The following CGNL1 variants were observed in gnomAD, a reference collection of about 807,000 sequenced individuals.
CGNL1 encodes the protein cingulin like 1.
CGNL1 carries 132 observed loss-of-function variants against 141.2 expected under a neutral mutation model. The observed-to-expected ratio is 0.93, with a 90% CI of 0.81 to 1.08. CGNL1 has a LOEUF of 1.08. Among genes scored for constraint, CGNL1 ranks in the 50% least tolerant of loss-of-function variants. The probability of loss-of-function intolerance (pLI) is 0.00; values close to 1 mark genes in which losing one functional copy is unlikely to be tolerated. For synonymous variants in CGNL1, 690 were observed against 622.1 expected, an observed-to-expected ratio of 1.11 and a Z score of -1.63; for missense variants, 1,870 against 1,588.6, an observed-to-expected ratio of 1.18 and a Z score of -3.01.
At chr15:57,419,070 T>C (rs1238921178) in intron 1 of CGNL1, among the ~76,000 whole-genome samples, 3 of 152,152 alleles carry the variant, frequency 2.0e-5, no homozygotes, top group Non-Finnish European at 4.4e-5. Context: ...TAACTGGGAT[T>C]ACAGGCATGC....
chr15:57,455,626 A>G (rs1330980578), intron 7 of CGNL1, among the ~76,000 whole-genome samples: 1 of 152,218 alleles, frequency 6.6e-6, no homozygotes, highest in Non-Finnish European at 1.5e-5. Flanking sequence ...AGTGCCAAGC[A>G]ACAGAGCAAA....
chr15:57,543,761 G>T lies in CGNL1; in HGVS notation c.3357G>T (p.Lys1119Asn), dbSNP rs2032696229. Residue 1119 changes from lysine (K) to asparagine (N), a missense_variant, in exon 15 of 19, where the codon AAG (lysine) becomes AAT (asparagine). Lys to Asn is a moderately conservative substitution (Grantham distance 94). Coordinates refer to ENST00000281282, the MANE Select transcript of CGNL1 (RefSeq NM_032866.5). ...RAARQDLECD[K>N]ISLERQNKDL... ...CGAGACAAGACTTGGAGTGCGACAA[G>T]ATTTCCCTGGAGAGGCAGGTGAGGG... 1 of 1,613,940 alleles carries T rather than the reference G, an allele frequency of 6.2e-7. No homozygotes were observed. Among genetic ancestry groups the T allele is most frequent in the African/African-American group, 1.3e-5 (1 of 74,898 alleles).
In CGNL1 at chr15:57,544,574, G is replaced by C. The variant is rs778346512; in HGVS notation, c.3477G>C (p.Glu1159Asp). ...TGGAGGCCAGGATCGCGGAGCTGGA[G>C]GACCGCCTGGAGAGTGAGGAGAGGT... ...VQMEARIAEL[E>D]DRLESEERDR... is the part of the protein sequence containing the mutation. The change falls in exon 16 of 19, where the codon GAG becomes GAC. Residue 1159 changes from glutamate to aspartate, a missense_variant. Glu to Asp is a conservative substitution (Grantham distance 45, BLOSUM62 2). Coordinates refer to ENST00000281282, the MANE Select transcript of CGNL1 (RefSeq NM_032866.5). 6 of 1,590,694 alleles carry C rather than the reference G, an allele frequency of 3.8e-6. No homozygotes were observed. Among genetic ancestry groups the C allele is most frequent in the Middle Eastern group, 1.7e-4 (1 of 6,032 alleles).
intron 1 of CGNL1, among the ~76,000 whole-genome samples, chr15:57,396,461 C>T (rs550361698): frequency 2.0e-5 from 3 of 151,524 alleles, no homozygotes; most frequent in Admixed American, 6.6e-5. Flanking sequence ...TTAAAAGAGA[C>T]AGGGTTTCGC....
intron 8 of CGNL1, among the ~76,000 whole-genome samples, chr15:57,500,591 A>G (rs1198264076): frequency 6.6e-6 from 1 of 152,192 alleles, no homozygotes; most frequent in African/African-American, 2.4e-5. Flanking sequence ...AGGGTCAGCA[A>G]GAGCCTGTGC....
Position 57,547,427 on chromosome 15 carries a change from C to T in CGNL1, c.3846C>T (p.Ser1282=). The change falls in exon 19 of 19, where the codon AGC becomes AGT. Residue 1282 remains serine (S), a synonymous_variant. Coordinates refer to ENST00000281282, the MANE Select transcript of CGNL1 (RefSeq NM_032866.5). ...ATGACCTCAGCACGGATGGGGGAAG[C>T]CTCTATGAGGCGCCTGTGAGCTACA... ...DDDDLSTDGG[S]LYEAPVSYTF... is the part of the protein sequence containing the mutation. 6.2e-7 allele frequency: 1 copy of T among 1,614,182 alleles called. No individual in the cohort carries two copies. The highest frequency in any genetic ancestry group is 8.5e-7 in the Non-Finnish European group (1 of 1,180,006).
intron 8 of CGNL1, among the ~76,000 whole-genome samples, chr15:57,516,460 G>T (rs540573656): frequency 6.6e-6 from 1 of 152,176 alleles, no homozygotes; most frequent in African/African-American, 2.4e-5. Flanking sequence ...AAGAGCCAGA[G>T]AGTCAACATT....
At chr15:57,378,373 T>G (rs1217178214) in intron 1 of CGNL1, among the ~76,000 whole-genome samples, 3 of 105,078 alleles carry the variant, frequency 2.9e-5, no homozygotes, top group African/African-American at 1.1e-4. Context: ...GTTTTTTTTT[T>G]TTTTTTTTTT....
intron 1 of CGNL1, among the ~76,000 whole-genome samples, chr15:57,403,319 TAAGA>T (rs1378098232): frequency 5.3e-5 from 8 of 152,148 alleles, no homozygotes; most frequent in African/African-American, 1.9e-4. Flanking sequence ...ACTCTGCTGC[TAAGA>T]AAATGATATT....
At chr15:57,540,222 C>G (rs1173591622) in intron 14 of CGNL1, among the ~76,000 whole-genome samples, 1 of 152,180 alleles carries the variant, frequency 6.6e-6, no homozygotes, top group Non-Finnish European at 1.5e-5. Context: ...TTGTATTAGC[C>G]TGTTCTCATG....
At chr15:57,388,472 A>C (rs749927959) in intron 1 of CGNL1, among the ~76,000 whole-genome samples, 28 of 152,170 alleles carry the variant, frequency 1.8e-4, no homozygotes, top group Admixed American at 9.2e-4. Context: ...CCCGGATCTG[A>C]ATCCTCCCTC....
chr15:57,396,773 T>A (rs1183436943), intron 1 of CGNL1, among the ~76,000 whole-genome samples: 1 of 152,210 alleles, frequency 6.6e-6, no homozygotes, highest in Admixed American at 6.5e-5. Flanking sequence ...GGGTGTGTAG[T>A]AGAATCCATA....
chr15:57,525,637 A>G (rs1263278455), intron 12 of CGNL1, among the ~76,000 whole-genome samples: 2 of 152,200 alleles, frequency 1.3e-5, no homozygotes, highest in Admixed American at 1.3e-4. Flanking sequence ...CAGTGCCGAG[A>G]GCACCAAGAT....
intron 14 of CGNL1, among the ~76,000 whole-genome samples, chr15:57,535,334 A>T (rs2032202729): frequency 6.6e-6 from 1 of 152,236 alleles, no homozygotes; most frequent in South Asian, 2.1e-4. Context: ...GTCAGACCTA[A>T]AAAATTGATA....
intron 8 of CGNL1, among the ~76,000 whole-genome samples, chr15:57,490,628 C>T (rs1048549379): frequency 7.2e-5 from 11 of 152,062 alleles, no homozygotes; most frequent in Non-Finnish European, 2.9e-5. Flanking sequence ...GGAAGAGTTC[C>T]AAATAATTTA....
intron 8 of CGNL1, among the ~76,000 whole-genome samples, chr15:57,489,108 C>T (rs192408641): frequency 6.6e-6 from 1 of 152,144 alleles, no homozygotes; most frequent in East Asian, 1.9e-4. Flanking sequence ...CTAAAGTATC[C>T]AAAGTTATGG....
chr15:57,453,514 C>T (rs2063344293), intron 6 of CGNL1, among the ~76,000 whole-genome samples, 169 bp from the exon 7 acceptor site: 1 of 152,226 alleles, frequency 6.6e-6, no homozygotes, highest in Non-Finnish European at 1.5e-5. Flanking sequence ...CTAAGTTCTT[C>T]TCAGCCACCT....
intron 1 of CGNL1, among the ~76,000 whole-genome samples, chr15:57,388,149 G>T (rs537629468): frequency 6.6e-6 from 1 of 152,234 alleles, no homozygotes; most frequent in African/African-American, 2.4e-5. Flanking sequence ...TAGGAGAGCA[G>T]TGCCAGGCTC....
In CGNL1 at chr15:57,491,440, C is replaced by T. The variant is rs537002634; in HGVS notation, c.2404-25340C>T. 7.2e-5 allele frequency among the ~76,000 whole-genome samples: 11 copies of T among 152,336 alleles called. No homozygotes were observed. In the East Asian group the frequency reaches 2.1e-3, roughly 29 times the overall value. ...GTTCTGCCACTGGCACTGCAGTTAA[C>T]TTCCTCTCTTGTCTGCCCTGCAAGG... On this transcript the variant is annotated intron_variant, in intron 8 of 18. Transcript: ENST00000281282.
Sources: gnomAD v4.1 joint callset for allele counts (sites outside exome capture counted in the v4.1 genomes callset) on GRCh38, gnomAD v4.1.1 for gene constraint, MANE v1.5 for transcripts, NCBI Gene and HGNC (gene_info 2026-07-23, HGNC 2026-07-21) for gene names.